Variants in FBXL20 observed in about 807,000 individuals in gnomAD.
FBXL20 encodes the protein F-box and leucine rich repeat protein 20.
In FBXL20, 11 loss-of-function variants were observed where a neutral mutation model predicts 64.0. The observed-to-expected ratio is 0.17, with a 90% CI of 0.11 to 0.28. The LOEUF (loss-of-function observed/expected upper bound fraction) is 0.28, where lower values mean the gene tolerates loss of function less well. Ranked by LOEUF, FBXL20 falls within the 10% of genes least tolerant of loss-of-function variation. FBXL20 has a pLI of 1.00. For synonymous variants in FBXL20, 184 were observed against 189.0 expected (o/e 0.97, Z 0.22); for missense variants, 303 against 526.2 (o/e 0.58, Z 4.15).
At chr17:39,338,737 T>C (rs2047553620) in intron 2 of FBXL20, among the ~76,000 whole-genome samples, 1 of 152,154 alleles carries the variant, frequency 6.6e-6, no homozygotes, top group African/African-American at 2.4e-5. Context: ...TGTTGATACA[T>C]GGACAAGGAT....
intron 2 of FBXL20, among the ~76,000 whole-genome samples, chr17:39,342,750 CAT>C (rs1026672984): frequency 1.3e-5 from 2 of 151,588 alleles, no homozygotes; most frequent in African/African-American, 4.8e-5. Context: ...GACATGGTGA[CAT>C]GTGCCTGTAG....
intron 2 of FBXL20, among the ~76,000 whole-genome samples, chr17:39,322,016 T>A (rs2144515140): frequency 6.6e-6 from 1 of 152,008 alleles, no homozygotes; most frequent in East Asian, 1.9e-4. Flanking sequence ...GATTTGATAA[T>A]AATAATGTCT....
rs35807323 is a variant in FBXL20 at position 39,361,983 on chromosome 17, T to TA, written c.43-18743dup. On this transcript the variant is annotated intron_variant, in intron 1 of 14. Coordinates refer to ENST00000264658, the MANE Select transcript of FBXL20 (RefSeq NM_032875.3). ...AAAATGCTTTTGGATTTTGGAGCAC[T>TA]AAAAAAAAAAAAAAAATGCCCTGGC... Among the ~76,000 whole-genome samples the TA allele has an allele frequency of 7.8e-3, 1,019 of 130,820 alleles. 8 individuals are homozygous for TA. Among genetic ancestry groups the TA allele is most frequent in the African/African-American group, 0.018 (671 of 36,486 alleles). The allele number at this position is 130,820 out of a possible 152,430, so 85.8% of individuals were successfully genotyped here.
intron 1 of FBXL20, among the ~76,000 whole-genome samples, chr17:39,392,224 G>A (rs752972385): frequency 3.5e-4 from 53 of 152,066 alleles, no homozygotes; most frequent in Non-Finnish European, 7.2e-4. Context: ...TGGATCACCT[G>A]AGATCAGGAG....
At chr17:39,308,566 TAA>T (rs2047204130) in intron 2 of FBXL20, among the ~76,000 whole-genome samples, 2 of 127,512 alleles carry the variant, frequency 1.6e-5, no homozygotes, top group African/African-American at 8.1e-5. Flanking sequence ...TTTAATACAA[TAA>T]TTTTTTTTTT....
At chr17:39,355,843 G>A (rs1421936396) in intron 1 of FBXL20, among the ~76,000 whole-genome samples, 10 of 114,556 alleles carry the variant, frequency 8.7e-5, no homozygotes, top group Middle Eastern at 0.015. Context: ...GGACAAAATC[G>A]AGACTTCGTC....
chr17:39,272,828 T>C (rs1048498012), intron 10 of FBXL20, among the ~76,000 whole-genome samples: 1 of 152,128 alleles, frequency 6.6e-6, no homozygotes. Context: ...GTTGAGAGCT[T>C]TTCCATTCTA....
At chr17:39,367,313 T>C (rs2047870287) in intron 1 of FBXL20, among the ~76,000 whole-genome samples, 1 of 151,494 alleles carries the variant, frequency 6.6e-6, no homozygotes, top group Non-Finnish European at 1.5e-5. Context: ...TTTATCTTTT[T>C]CTTTTCTTTT....
Position 39,356,789 on chromosome 17 carries a change from G to A in FBXL20, c.43-13548C>T, listed in dbSNP as rs549782639. On this transcript the variant is annotated intron_variant, in intron 1 of 14. Coordinates refer to ENST00000264658, the MANE Select transcript of FBXL20 (RefSeq NM_032875.3). Reference sequence around the variant, plus strand: ...TACCACCTCTGCCTCCTGAGAAGCTGGAACTACGGGTGCGTGCCACCACAC... The same window carrying A: ...TACCACCTCTGCCTCCTGAGAAGCTAGAACTACGGGTGCGTGCCACCACAC... 7.3e-5 allele frequency among the ~76,000 whole-genome samples: 11 copies of A among 151,440 alleles called. No individual in the cohort carries two copies. In the South Asian group the frequency reaches 1.9e-3, roughly 26 times the overall value.
intron 2 of FBXL20, among the ~76,000 whole-genome samples, chr17:39,308,258 G>A (rs781094125): frequency 6.6e-5 from 10 of 151,832 alleles, no homozygotes; most frequent in African/African-American, 1.9e-4. Flanking sequence ...CATTACAGGC[G>A]TGTGTCACCA....
intron 4 of FBXL20, 76 bp downstream of exon 4, chr17:39,300,925 A>T: frequency 1.5e-6 from 2 of 1,351,074 alleles, no homozygotes; most frequent in Non-Finnish European, 2.1e-6. Context: ...AAATGAGATT[A>T]ATATGGCTAG....
chr17:39,296,356 C>G (rs1317754450), intron 6 of FBXL20, among the ~76,000 whole-genome samples: 1 of 151,708 alleles, frequency 6.6e-6, no homozygotes, highest in African/African-American at 2.4e-5. Flanking sequence ...GTCAGGAGAT[C>G]GAGACCATCC....
chr17:39,285,628 T>C lies in FBXL20; in HGVS notation c.399-55A>G. 4 of 1,171,208 alleles carry C rather than the reference T, an allele frequency of 3.4e-6. No individual in the cohort carries two copies. The South Asian group carries it at 4.4e-5, about 13-fold the overall frequency. The allele number at this position is 1,171,208 out of a possible 1,614,324, so 72.6% of individuals were successfully genotyped here. On this transcript the variant is annotated intron_variant, in intron 6 of 14. Transcript: ENST00000264658. ...AATAAACAAGACAAGTACACATCCT[T>C]GGTATATCAGACACTGTTCTTATTA...
chr17:39,295,944 C>A (rs926859592), intron 6 of FBXL20, among the ~76,000 whole-genome samples: 4 of 151,990 alleles, frequency 2.6e-5, no homozygotes, highest in African/African-American at 9.7e-5. Context: ...AACCTGTTCT[C>A]TACTAATAGA....
intron 2 of FBXL20, among the ~76,000 whole-genome samples, chr17:39,314,370 C>T (rs376953803): frequency 2.0e-5 from 3 of 152,016 alleles, no homozygotes; most frequent in East Asian, 3.9e-4. Flanking sequence ...TTTTCAGAGA[C>T]GAGTCTCACT....
intron 1 of FBXL20, among the ~76,000 whole-genome samples, chr17:39,348,524 T>C (rs1236699695): frequency 6.6e-6 from 1 of 152,070 alleles, no homozygotes; most frequent in African/African-American, 2.4e-5. Flanking sequence ...ACTCCTGGCC[T>C]CAAGCAATCT....
chr17:39,388,718 G>A (rs1168509066), intron 1 of FBXL20, among the ~76,000 whole-genome samples: 5 of 150,724 alleles, frequency 3.3e-5, no homozygotes, highest in African/African-American at 9.7e-5. Context: ...TCTTGACCTC[G>A]CGATCCACCC....
intron 2 of FBXL20, among the ~76,000 whole-genome samples, chr17:39,342,037 A>G (rs1017557066): frequency 2.0e-5 from 3 of 152,066 alleles, no homozygotes; most frequent in Admixed American, 6.6e-5. Flanking sequence ...CTATCCCGCA[A>G]TTTGGTCTTT....
intron 6 of FBXL20, among the ~76,000 whole-genome samples, chr17:39,287,439 ACT>A (rs955807823): frequency 1.3e-5 from 2 of 151,258 alleles, no homozygotes; most frequent in Non-Finnish European, 3.0e-5. Flanking sequence ...ACAGGGTCTC[ACT>A]CTGTCACCCT....
Sources: allele counts gnomAD v4.1 joint callset (sites outside exome capture counted in the v4.1 genomes callset), GRCh38; gene constraint gnomAD v4.1.1; transcripts MANE v1.5; gene names NCBI Gene and HGNC (gene_info 2026-07-23, HGNC 2026-07-21).